Variants in GRINA observed in about 807,000 individuals in gnomAD.
GRINA encodes the protein glutamate ionotropic receptor NMDA type subunit associated protein 1.
In GRINA, 26 loss-of-function variants were observed where a neutral mutation model predicts 42.5. The observed-to-expected ratio is 0.61, with a 90% CI of 0.45 to 0.85. GRINA has a LOEUF of 0.85. Ranked by LOEUF, GRINA falls within the 40% of genes least tolerant of loss-of-function variation. The pLI is 0.00. For missense variants in GRINA, 475 were observed against 481.5 expected (o/e 0.99, Z 0.13); for synonymous variants, 256 against 204.2 (o/e 1.25, Z -2.17).
Position 143,990,255 on chromosome 8 carries a change from G to GCCGCCCCCGCCCCCGCCC in GRINA, c.-25+59_-25+76dup, listed in dbSNP as rs1298538048. 1.3e-5 allele frequency: 2 copies of GCCGCCCCCGCCCCCGCCC among 149,056 alleles called. No homozygotes were observed. Among genetic ancestry groups the GCCGCCCCCGCCCCCGCCC allele is most frequent in the Non-Finnish European group, 3.0e-5 (2 of 66,788 alleles). The allele number at this position is 149,056 out of a possible 1,614,324, so 9.2% of individuals were successfully genotyped here. On this transcript the variant is annotated intron_variant, in intron 1 of 6. Transcript: ENST00000395068. The surrounding 1 kb of genome is among the most constrained non-coding windows in gnomAD (Gnocchi z 5.6). ...TCTGACCCGCTGCGCCGCGCGGCCT[G>GCCGCCCCCGCCCCCGCCC]CCGCCCCCGCCCCCGCCCCCACGCG... is the stretch of plus-strand genomic sequence containing the variant.
In GRINA at chr8:143,992,786, ACAT is replaced by A; in HGVS notation, c.1067_1069del (p.Ile356del). 2 of 1,613,850 alleles carry A rather than the reference ACAT, an allele frequency of 1.2e-6. No homozygotes were observed. The highest frequency in any genetic ancestry group is 8.5e-7 in the Non-Finnish European group (1 of 1,179,890). ...TTTGCTGCGCTGAACCTGTACACAG[ACAT>A]CATCAACATCTTCCTGTACATCCTC... On this transcript the variant is annotated inframe_deletion, in exon 7 of 7. Transcript: ENST00000395068.
In GRINA at chr8:143,991,187, C is replaced by T. The variant is rs1260455247; in HGVS notation, c.-24-13C>T. On this transcript the variant is annotated splice_polypyrimidine_tract_variant and intron_variant, in intron 1 of 6. Coordinates refer to ENST00000395068, the MANE Select transcript of GRINA (RefSeq NM_001009184.2). Reference sequence around the variant, plus strand: ...AGCCAACTGTTCCACTGTTCCTTGTCTGTCTTCTCTAGGGGCGGACCGCGG... The same window carrying T: ...AGCCAACTGTTCCACTGTTCCTTGTTTGTCTTCTCTAGGGGCGGACCGCGG... 1.3e-6 allele frequency: 2 copies of T among 1,498,190 alleles called. No homozygotes were observed. The highest frequency in any genetic ancestry group is 1.4e-5 in the African/African-American group (1 of 70,158). 92.8% of individuals were successfully genotyped at this position (1,498,190 alleles called of 1,614,324 possible).
rs880003242 is a variant in GRINA, at chr8:143,991,405, C to T, written c.182C>T (p.Pro61Leu). The T allele has an allele frequency of 5.7e-6, 7 of 1,232,118 alleles. No homozygotes were observed. The South Asian group carries it at 9.3e-5, about 16-fold the overall frequency. 76.3% of individuals were successfully genotyped at this position (1,232,118 alleles called of 1,614,324 possible). A position where few individuals can be genotyped will look rare whatever the true frequency, so the allele number is the denominator to read the frequency against. Residue 61 changes from proline to leucine, a missense_variant, in exon 2 of 7, where the codon CCC (proline) becomes CTC (leucine). By Grantham distance (98) the Pro-to-Leu change is moderately conservative. Coordinates refer to ENST00000395068, the MANE Select transcript of GRINA (RefSeq NM_001009184.2). The stretch of plus-strand genomic sequence containing the variant: ...GGTCAGCCAGGGTACCCCCATGGCC[C>T]CAGCCCCTACCCCCAAGGGGGCTAC... ...PYGQPGYPHG[P>L]SPYPQGGYPQ...
rs1554750699 is a variant in GRINA, at chr8:143,992,423, T to TCCCAGG, written c.823-36_823-31dup. On this transcript the variant is annotated intron_variant, in intron 5 of 6. Transcript: ENST00000395068. ...TGTGGCCGCAGGGGCTGAGCAGCTTTCCCAGGCCCAGCCCCATGGCCCGTT... is the reference window on the plus strand; with the variant it reads ...TGTGGCCGCAGGGGCTGAGCAGCTTTCCCAGGCCCAGGCCCAGCCCCATGGCCCGTT... The TCCCAGG allele has an allele frequency of 3.7e-6, 6 of 1,613,066 alleles. No individual in the cohort carries two copies. The Admixed American group carries it at 1.0e-4, about 27-fold the overall frequency.
chr8:143,992,215 C>T lies in GRINA; in HGVS notation c.694-30C>T, dbSNP rs141499273. On this transcript the variant is annotated intron_variant, in intron 4 of 6. Coordinates refer to ENST00000395068, the MANE Select transcript of GRINA (RefSeq NM_001009184.2). ...GCAGGGGTGGCATGGGGGCACACAC[C>T]CAAGGTCAGCCTGTGTCTCCCAACT... The T allele has an allele frequency of 7.0e-4, 1,118 of 1,603,048 alleles. 21 individuals are homozygous for T. The East Asian group carries it at 0.022, about 32-fold the overall frequency.
Position 143,992,335 on chromosome 8 carries a change from A to G in GRINA, c.784A>G (p.Thr262Ala). ...EAVIMAVGITTAVCFTVVIFS... is the reference protein window; with the variant it reads ...EAVIMAVGITAAVCFTVVIFS... ...AGTCATCATGGCCGTGGGCATCACC[A>G]CAGCCGTCTGCTTCACCGTCGTCAT... The change falls in exon 5 of 7, where the codon ACA becomes GCA. Residue 262 changes from threonine (T) to alanine (A), a missense_variant. Physicochemically the swap from Thr to Ala is moderately conservative, Grantham distance 58. Around this residue, in one of 2 missense-constraint regions of GRINA, gnomAD observed 154 missense variants for 214.2 expected, o/e 0.72. Coordinates refer to ENST00000395068, the MANE Select transcript of GRINA (RefSeq NM_001009184.2). 1.3e-6 allele frequency: 2 copies of G among 1,590,298 alleles called. No individual in the cohort carries two copies. The highest frequency in any genetic ancestry group is 8.6e-7 in the Non-Finnish European group (1 of 1,165,880).
chr8:143,993,085 T>C lies in GRINA; in HGVS notation c.*244T>C, dbSNP rs941652717. ...AAGGGGCACCAAGGCCACGTTTCCG[T>C]GCCACCTCCTGTCTACTCATTGTTG... On this transcript the variant is annotated 3_prime_UTR_variant, in exon 7 of 7. Transcript: ENST00000395068. 2 of 506,696 alleles carry C rather than the reference T, an allele frequency of 3.9e-6. No homozygotes were observed. The highest frequency in any genetic ancestry group is 7.1e-6 in the Non-Finnish European group (2 of 280,022). 31.4% of individuals were successfully genotyped at this position (506,696 alleles called of 1,614,324 possible).
rs1342871653 is a variant in GRINA at position 143,990,063 on chromosome 8, C to G, written c.-161C>G. On this transcript the variant is annotated 5_prime_UTR_variant, in exon 1 of 7. Transcript: ENST00000395068. The surrounding 1 kb of genome is among the most constrained non-coding windows in gnomAD (Gnocchi z 5.6). ...CCCCTGCCCCGCCCCGTCACAAGGC[C>G]CCGCTGCGTCTTCCGAGCCGCAGGC... is the stretch of plus-strand genomic sequence containing the variant. 6.6e-6 allele frequency: 1 copy of G among 151,038 alleles called. No individual in the cohort carries two copies. The highest frequency in any genetic ancestry group is 1.5e-5 in the Non-Finnish European group (1 of 67,400). 9.4% of individuals were successfully genotyped at this position (151,038 alleles called of 1,614,324 possible).
In GRINA at chr8:143,993,016, C is replaced by T. The variant is rs990062071; in HGVS notation, c.*175C>T. 6.5e-6 allele frequency: 4 copies of T among 614,746 alleles called. No homozygotes were observed. Among genetic ancestry groups the T allele is most frequent in the East Asian group, 2.8e-5 (1 of 35,798 alleles). The allele number at this position is 614,746 out of a possible 1,614,324, so 38.1% of individuals were successfully genotyped here. On this transcript the variant is annotated 3_prime_UTR_variant, in exon 7 of 7. Coordinates refer to ENST00000395068, the MANE Select transcript of GRINA (RefSeq NM_001009184.2). ...CACTGCAGATACTTCCATTTGGACC[C>T]GCTGTGGCCACAGCATGGCCCCTTT...
Position 143,991,527 on chromosome 8 carries a change from G to T in GRINA, c.304G>T (p.Gly102Trp). Residue 102 changes from glycine (G) to tryptophan (W), a missense_variant, in exon 2 of 7, where the codon GGG (glycine) becomes TGG (tryptophan). Transcript: ENST00000395068. ...GPYPQGGYPQGPYPQSPFPPN... is the reference protein window; with the variant it reads ...GPYPQGGYPQWPYPQSPFPPN... ...CTACCCCCAAGGGGGCTACCCCCAGGGGCCATATCCCCAGAGCCCCTTCCC... is the reference window on the plus strand; with the variant it reads ...CTACCCCCAAGGGGGCTACCCCCAGTGGCCATATCCCCAGAGCCCCTTCCC... 1.2e-5 allele frequency: 18 copies of T among 1,549,112 alleles called. No homozygotes were observed. Among genetic ancestry groups the T allele is most frequent in the Non-Finnish European group, 1.6e-5 (18 of 1,140,406 alleles).
rs1266837732 is a variant in GRINA at position 143,993,067 on chromosome 8, A to G, written c.*226A>G. 2 of 543,628 alleles carry G rather than the reference A, an allele frequency of 3.7e-6. No homozygotes were observed. The highest frequency in any genetic ancestry group is 3.8e-5 in the African/African-American group (2 of 52,744). The allele number at this position is 543,628 out of a possible 1,614,324, so 33.7% of individuals were successfully genotyped here. On this transcript the variant is annotated 3_prime_UTR_variant, in exon 7 of 7. Transcript: ENST00000395068. ...AGTCCTCCCGCCCCCGCCAAGGGGC[A>G]CCAAGGCCACGTTTCCGTGCCACCT...
chr8:143,991,222 C>A lies in GRINA; in HGVS notation c.-2C>A. On this transcript the variant is annotated 5_prime_UTR_variant, in exon 2 of 7. Transcript: ENST00000395068. ...TAGGGGCGGACCGCGGAACCCGAGG[C>A]CATGTCCCATGAAAAGAGTTTTTTG... 1 of 1,573,024 alleles carries A rather than the reference C, an allele frequency of 6.4e-7. No individual in the cohort carries two copies. The highest frequency in any genetic ancestry group is 8.6e-7 in the Non-Finnish European group (1 of 1,159,726).
rs1554750297 is a variant in GRINA, at chr8:143,990,707, G to C, written c.-24-493G>C. ...TGGGCTCGCGGGGGTGGGGGGGCTC[G>C]GGCCTTTGTTGGTCACAGATGGCCC... On this transcript the variant is annotated intron_variant, in intron 1 of 6. Transcript: ENST00000395068. This position sits in a 1 kb window ranked among gnomAD's most constrained non-coding sequence, Gnocchi z 5.6. 1 of 152,122 alleles carries C rather than the reference G, an allele frequency of 6.6e-6. No homozygotes were observed. Among genetic ancestry groups the C allele is most frequent in the African/African-American group, 2.4e-5 (1 of 41,410 alleles). The allele number at this position is 152,122 out of a possible 1,614,324, so 9.4% of individuals were successfully genotyped here.
intron 4 of GRINA, 75 bp from the exon 5 acceptor site, chr8:143,992,170 T>C (rs782464392): frequency 6.2e-7 from 1 of 1,601,938 alleles, no homozygotes; most frequent in Non-Finnish European, 8.5e-7. Context: ...GTTCTCCTTG[T>C]GCTCATGAGG....
In GRINA at chr8:143,992,058, C is replaced by T. The variant is rs1834107856; in HGVS notation, c.673C>T (p.Pro225Ser). ...SCCGDFRRKH[P>S]WNLVALSVLT... ...TTGTGGGGACTTCCGGCGAAAGCAC[C>T]CCTGGAACCTTGTTGCACTGGTAAC... The change falls in exon 4 of 7, where the codon CCC (proline) becomes TCC (serine). Residue 225 changes from proline (P) to serine (S), a missense_variant. Transcript: ENST00000395068. 2.5e-6 allele frequency: 4 copies of T among 1,613,778 alleles called. No individual in the cohort carries two copies. The highest frequency in any genetic ancestry group is 3.3e-5 in the Admixed American group (2 of 59,998).
At chr8:143,991,139 G>C (rs2133062695) in intron 1 of GRINA, 61 bp from the exon 2 acceptor site, 2 of 902,306 alleles carry the variant, frequency 2.2e-6, no homozygotes, top group East Asian at 5.7e-5. Context: ...GTTGCGCAGG[G>C]CTGGGTCCCG....
At chr8:143,991,838 GTGGC>G (rs1564257655) in intron 3 of GRINA, 34 bp downstream of exon 3, 2 of 1,605,296 alleles carry the variant, frequency 1.2e-6, no homozygotes, top group Non-Finnish European at 1.7e-6. Context: ...GGTGGGGGCT[GTGGC>G]TCCCAGCGGA....
chr8:143,991,360 C>T lies in GRINA; in HGVS notation c.137C>T (p.Pro46Leu). 8.0e-7 allele frequency: 1 copy of T among 1,254,632 alleles called. No homozygotes were observed. The highest frequency in any genetic ancestry group is 1.1e-6 in the Non-Finnish European group (1 of 903,858). 77.7% of individuals were successfully genotyped at this position (1,254,632 alleles called of 1,614,324 possible). Reference protein sequence around the residue: ...PYPGAPYPQPPFQPSPYGQPG... With the variant: ...PYPGAPYPQPLFQPSPYGQPG... ...CCTGGGGCCCCTTACCCACAGCCCC[C>T]TTTCCAGCCCTCCCCCTACGGTCAG... The change falls in exon 2 of 7, where the codon CCT (proline) becomes CTT (leucine). Residue 46 changes from proline to leucine, a missense_variant. Pro to Leu is a moderately conservative substitution (Grantham distance 98). This residue lies in a region of GRINA where 321 missense variants were observed against 267.2 expected (regional missense o/e 1.20). Coordinates refer to ENST00000395068, the MANE Select transcript of GRINA (RefSeq NM_001009184.2).
rs1554750207 is a variant in GRINA at position 143,990,124 on chromosome 8, G to T, written c.-100G>T. ...CTGAGCGGCCGCCGAGCGGGTGCGG[G>T]TGCGGGCGCATCGGCCATCACCGCG... On this transcript the variant is annotated 5_prime_UTR_variant, in exon 1 of 7. Coordinates refer to ENST00000395068, the MANE Select transcript of GRINA (RefSeq NM_001009184.2). The surrounding 1 kb of genome is among the most constrained non-coding windows in gnomAD (Gnocchi z 5.6). 2 of 151,208 alleles carry T rather than the reference G, an allele frequency of 1.3e-5. No homozygotes were observed. The highest frequency in any genetic ancestry group is 6.6e-5 in the Admixed American group (1 of 15,176). The allele number at this position is 151,208 out of a possible 1,614,324, so 9.4% of individuals were successfully genotyped here. A position where few individuals can be genotyped will look rare whatever the true frequency, so the allele number is the denominator to read the frequency against.
Sources: allele counts gnomAD v4.1 joint callset, GRCh38; gene constraint gnomAD v4.1.1; regional missense constraint gnomAD v4.1.1; non-coding constraint Gnocchi (gnomAD v3.1); transcripts MANE v1.5; gene names NCBI Gene and HGNC (gene_info 2026-07-23, HGNC 2026-07-21).